Variants in PTK2 observed in about 807,000 individuals in gnomAD.
PTK2 encodes the protein focal adhesion kinase 1.
PTK2 carries 45 observed loss-of-function variants against 150.1 expected under a neutral mutation model. The observed-to-expected ratio is 0.30, with a 90% CI of 0.24 to 0.38. The LOEUF (loss-of-function observed/expected upper bound fraction) is 0.38, where lower values mean the gene tolerates loss of function less well. Ranked by LOEUF, PTK2 falls within the 10% of genes least tolerant of loss-of-function variation. The pLI is 1.00. For missense variants in PTK2, 919 were observed against 1,307.3 expected (o/e 0.70, Z 4.58); for synonymous variants, 432 against 449.2 (o/e 0.96, Z 0.48).
chr8:140,726,571 A>C (rs144523069), intron 22 of PTK2, among the ~76,000 whole-genome samples: 1 of 152,200 alleles, frequency 6.6e-6, no homozygotes, highest in Non-Finnish European at 1.5e-5. Context: ...CTCATTAAAC[A>C]TAACAGGGCA....
intron 1 of PTK2, among the ~76,000 whole-genome samples, chr8:140,985,764 T>A (rs2154610078): frequency 6.6e-6 from 1 of 152,346 alleles, no homozygotes; most frequent in East Asian, 1.9e-4. Context: ...AAGACACAGA[T>A]CAACATATAA....
chr8:140,936,502 C>A (rs2100173675), intron 1 of PTK2, among the ~76,000 whole-genome samples: 1 of 151,924 alleles, frequency 6.6e-6, no homozygotes, highest in Non-Finnish European at 1.5e-5. Context: ...AATATGGGGG[C>A]CTTCCTGACT....
At chr8:140,778,403 A>T (rs1221575080) in intron 14 of PTK2, among the ~76,000 whole-genome samples, 3 of 152,240 alleles carry the variant, frequency 2.0e-5, no homozygotes, top group Admixed American at 1.3e-4. Flanking sequence ...GTAAGCCGAG[A>T]TCGCACCACT....
chr8:140,979,527 TA>T (rs1214176408), intron 1 of PTK2, among the ~76,000 whole-genome samples: 1 of 151,940 alleles, frequency 6.6e-6, no homozygotes. Context: ...CACAATAAGA[TA>T]TGACACAACC....
chr8:140,901,443 A>T (rs2100158398), intron 2 of PTK2, among the ~76,000 whole-genome samples: 1 of 152,192 alleles, frequency 6.6e-6, no homozygotes, highest in African/African-American at 2.4e-5. Context: ...CAAGATAAAA[A>T]GCCTCTGCAG....
chr8:140,716,052 T>C (rs569031397), intron 23 of PTK2, among the ~76,000 whole-genome samples: 4 of 152,022 alleles, frequency 2.6e-5, no homozygotes, highest in African/African-American at 9.7e-5. Flanking sequence ...TTCTGTGTAC[T>C]AAATAAAGTG....
intron 1 of PTK2, among the ~76,000 whole-genome samples, chr8:140,958,983 G>A (rs1014824836): frequency 2.0e-5 from 3 of 152,112 alleles, no homozygotes; most frequent in African/African-American, 4.8e-5. Context: ...TTGAAAAAGT[G>A]TCTCTTCCCC....
At chr8:140,928,715 T>C (rs1054371864) in intron 1 of PTK2, among the ~76,000 whole-genome samples, 41 of 152,186 alleles carry the variant, frequency 2.7e-4, no homozygotes, top group African/African-American at 7.5e-4. Context: ...ATTACACTTA[T>C]ATAACATATC....
chr8:140,903,301 C>T (rs1288090560), intron 2 of PTK2, among the ~76,000 whole-genome samples: 2 of 151,928 alleles, frequency 1.3e-5, no homozygotes, highest in African/African-American at 2.4e-5. Context: ...AGATGTATGG[C>T]GTTATTTCTG....
intron 7 of PTK2, among the ~76,000 whole-genome samples, chr8:140,838,936 G>A (rs1388784608): frequency 6.6e-6 from 1 of 151,594 alleles, no homozygotes; most frequent in Non-Finnish European, 1.5e-5. Context: ...AACCCAGGAG[G>A]CGGAGCTTGC....
At chr8:140,802,220 T>A (rs1464596941) in intron 11 of PTK2, among the ~76,000 whole-genome samples, 1 of 152,014 alleles carries the variant, frequency 6.6e-6, no homozygotes, top group East Asian at 1.9e-4. Flanking sequence ...GGACAAGATG[T>A]GGAGGTAGAA....
Position 140,793,398 on chromosome 8 carries a change from G to A in PTK2, c.1094-14C>T, listed in dbSNP as rs1358158252. 2.5e-6 allele frequency: 4 copies of A among 1,608,374 alleles called. No individual in the cohort carries two copies. Among genetic ancestry groups the A allele is most frequent in the African/African-American group, 2.7e-5 (2 of 74,554 alleles). On this transcript the variant is annotated splice_polypyrimidine_tract_variant and intron_variant, in intron 12 of 31. Transcript: ENST00000522684. ...CCCGTTCACCTTCTGCGGGGAAAAA[G>A]AAAAGAGATGCATAAGGCTCTTTTC...
chr8:140,733,159 A>G (rs370105503), intron 22 of PTK2, among the ~76,000 whole-genome samples: 4 of 152,194 alleles, frequency 2.6e-5, no homozygotes, highest in East Asian at 1.9e-4. Flanking sequence ...GGGGGCAGGC[A>G]CAAGGAGTGA....
At chr8:140,858,047 A>ATTTT (rs1296378557) in intron 5 of PTK2, among the ~76,000 whole-genome samples, 9 of 152,238 alleles carry the variant, frequency 5.9e-5, no homozygotes. Flanking sequence ...AGGCAGATAG[A>ATTTT]TTAGCAAATA....
chr8:141,001,780 T>C (rs557764114), upstream of PTK2, among the ~76,000 whole-genome samples: 4 of 152,290 alleles, frequency 2.6e-5, no homozygotes, highest in African/African-American at 9.6e-5. Context: ...CAGTGCACTC[T>C]CCAGGCACCA....
At chr8:140,791,189 GA>G (rs1438875298) in intron 13 of PTK2, among the ~76,000 whole-genome samples, 1 of 152,056 alleles carries the variant, frequency 6.6e-6, no homozygotes, top group East Asian at 1.9e-4. Context: ...TGTGTTTTAA[GA>G]AATGGGGTGG....
At chr8:140,890,701 T>C (rs2100153944) in exon 3 of PTK2, 3 of 1,614,044 alleles carry the variant, frequency 1.9e-6, no homozygotes, top group Admixed American at 1.7e-5. Context: ...GAATTTGGTG[T>C]GTGATTCAAG....
At chr8:140,887,937 T>C (rs570268700) in intron 3 of PTK2, among the ~76,000 whole-genome samples, 4 of 152,202 alleles carry the variant, frequency 2.6e-5, no homozygotes, top group Admixed American at 2.0e-4. Context: ...AACGTAGCTA[T>C]AATGAGTTTA....
At chr8:140,786,128 A>G (rs2100084802) in intron 14 of PTK2, among the ~76,000 whole-genome samples, 1 of 152,204 alleles carries the variant, frequency 6.6e-6, no homozygotes, top group East Asian at 1.9e-4. Context: ...TGTTGGCCGG[A>G]TTAATGTAAA....
Sources: allele counts gnomAD v4.1 joint callset (sites outside exome capture counted in the v4.1 genomes callset), GRCh38; gene constraint gnomAD v4.1.1; transcripts MANE v1.5; gene names NCBI Gene and HGNC (gene_info 2026-07-23, HGNC 2026-07-21).